Variants in CELF5 observed in about 807,000 individuals in gnomAD.
CELF5 encodes CUGBP Elav-like family member 5.
CELF5 carries 6 observed loss-of-function variants against 54.9 expected under a neutral mutation model. That is an observed-to-expected ratio of 0.11 (90% CI 0.06 to 0.22). The LOEUF (loss-of-function observed/expected upper bound fraction) is 0.22. CELF5 is among the 10% of genes least tolerant of loss of function. CELF5 has a pLI of 1.00. For synonymous variants in CELF5, 271 were observed against 290.9 expected, an observed-to-expected ratio of 0.93 and a Z score of 0.70; for missense variants, 401 against 678.6, an observed-to-expected ratio of 0.59 and a Z score of 4.54.
intron 2 of CELF5, among the ~76,000 whole-genome samples, chr19:3,257,833 A>G (rs1017554749): frequency 8.3e-5 from 11 of 132,832 alleles, no homozygotes; most frequent in African/African-American, 3.1e-4. Flanking sequence ...TTATTTATTT[A>G]TTTGAGACAG....
Position 3,275,910 on chromosome 19 carries a change from T to A in CELF5, c.449T>A (p.Val150Glu). 6.2e-7 allele frequency: 1 copy of A among 1,612,268 alleles called. No individual in the cohort carries two copies. The highest frequency in any genetic ancestry group is 8.5e-7 in the Non-Finnish European group (1 of 1,179,556). Residue 150 changes from valine to glutamate, a missense_variant, in exon 4 of 13, where the codon GTG (valine) becomes GAG (glutamate). Transcript: ENST00000292672. This position sits in a 1 kb window ranked among gnomAD's most constrained non-coding sequence, Gnocchi z 6.7. ...AACAAGCAGCAGTCGGAGGAGGACG[T>A]GCTGCGGCTGTTCCAGCCCTTCGGG... ...MLNKQQSEED[V>E]LRLFQPFGVI...
At chr19:3,274,282 T>C (rs887896638) in intron 3 of CELF5, among the ~76,000 whole-genome samples, 6 of 152,128 alleles carry the variant, frequency 3.9e-5, no homozygotes, top group African/African-American at 7.2e-5. Flanking sequence ...TGTGGATTGC[T>C]CTCTGGGGTC....
rs765094911 is a variant in CELF5, at chr19:3,281,975, T to C, written c.751-151T>C. 1.9e-5 allele frequency: 16 copies of C among 842,890 alleles called. No homozygotes were observed. The highest frequency in any genetic ancestry group is 2.9e-5 in the Non-Finnish European group (15 of 513,574). The allele number at this position is 842,890 out of a possible 1,614,324, so 52.2% of individuals were successfully genotyped here. A position where few individuals can be genotyped will look rare whatever the true frequency, so the allele number is the denominator to read the frequency against. ...CGATCTCTGCTCCCAGGCTGAGCCT[T>C]GATCCCAGTCTGAGCTCCAATTCTG... On this transcript the variant is annotated intron_variant, in intron 6 of 12. Coordinates refer to ENST00000292672, the MANE Select transcript of CELF5 (RefSeq NM_021938.4). The surrounding 1 kb of genome is among the most constrained non-coding windows in gnomAD (Gnocchi z 6.5).
chr19:3,290,169 C>T (rs536185194), intron 10 of CELF5, 62 bp from the exon 11 acceptor site: 51 of 1,423,604 alleles, frequency 3.6e-5, no homozygotes, highest in Admixed American at 5.2e-5. Flanking sequence ...CTGTGCCCCT[C>T]CCCCGGGGGG....
chr19:3,276,753 C>T (rs2145239975), intron 4 of CELF5, among the ~76,000 whole-genome samples: 1 of 144,148 alleles, frequency 6.9e-6, no homozygotes, highest in Non-Finnish European at 1.5e-5. Context: ...CCAGGGGCTG[C>T]TTATGGATGG....
At chr19:3,265,579 C>T (rs1054394269) in intron 2 of CELF5, among the ~76,000 whole-genome samples, 14 of 152,142 alleles carry the variant, frequency 9.2e-5, no homozygotes, top group East Asian at 1.9e-4. Flanking sequence ...CTCCCACCCA[C>T]GCCATGACAG....
At chr19:3,238,583 A>T (rs1056000605) in intron 1 of CELF5, among the ~76,000 whole-genome samples, 2 of 152,122 alleles carry the variant, frequency 1.3e-5, no homozygotes, top group East Asian at 3.9e-4. Context: ...TGGATGCATC[A>T]CTGTGGTCTC....
chr19:3,243,192 T>A (rs938041658), intron 1 of CELF5, among the ~76,000 whole-genome samples: 2 of 152,094 alleles, frequency 1.3e-5, no homozygotes, highest in African/African-American at 4.8e-5. Flanking sequence ...GTTTTTAATT[T>A]TTTTGTTTTG....
At chr19:3,231,552 G>A (rs1025760546) in intron 1 of CELF5, among the ~76,000 whole-genome samples, 1 of 150,880 alleles carries the variant, frequency 6.6e-6, no homozygotes, top group African/African-American at 2.4e-5. Context: ...TGGATTTGTA[G>A]ATGGGTGGGT....
chr19:3,241,121 G>C (rs2079485022), intron 1 of CELF5, among the ~76,000 whole-genome samples: 1 of 151,114 alleles, frequency 6.6e-6, no homozygotes, highest in Admixed American at 6.6e-5. Context: ...GAGCGCAGTG[G>C]CACCATCTTG....
intron 9 of CELF5, 47 bp downstream of exon 9, chr19:3,285,011 G>GCCCAGGGC (rs1387189697): frequency 1.4e-6 from 2 of 1,408,474 alleles, no homozygotes; most frequent in Non-Finnish European, 9.7e-7. Flanking sequence ...CCCCGCCCCC[G>GCCCAGGGC]CCTAGGGCCC....
chr19:3,254,692 C>G (rs550227948), intron 2 of CELF5, among the ~76,000 whole-genome samples: 2 of 151,786 alleles, frequency 1.3e-5, no homozygotes, highest in East Asian at 3.9e-4. Context: ...CACACCCATC[C>G]ATTCACCCAC....
At position 3,281,745 on chromosome 19, in the gene CELF5, C is replaced by A. The variant is rs1290178905; in HGVS notation, c.751-381C>A. On this transcript the variant is annotated intron_variant, in intron 6 of 12. Coordinates refer to ENST00000292672, the MANE Select transcript of CELF5 (RefSeq NM_021938.4). The surrounding 1 kb of genome is among the most constrained non-coding windows in gnomAD (Gnocchi z 6.5). Reference sequence around the variant, plus strand: ...TCCCAGGCTGAGCCTCAATTTCTAACTAAACCCTCATCCTAGATGGAGCCT... The same window carrying A: ...TCCCAGGCTGAGCCTCAATTTCTAAATAAACCCTCATCCTAGATGGAGCCT... Among the ~76,000 whole-genome samples the A allele has an allele frequency of 6.6e-6, 1 of 152,092 alleles. No homozygotes were observed. The highest frequency in any genetic ancestry group is 2.4e-5 in the African/African-American group (1 of 41,402).
intron 3 of CELF5, among the ~76,000 whole-genome samples, chr19:3,274,873 G>C (rs150846071): frequency 2.4e-4 from 37 of 152,110 alleles, no homozygotes; most frequent in African/African-American, 8.9e-4. Flanking sequence ...GGTGGGGTCT[G>C]TATGTCTCCA....
At chr19:3,225,871 T>C (rs1461006781) in intron 1 of CELF5, among the ~76,000 whole-genome samples, 1 of 151,976 alleles carries the variant, frequency 6.6e-6, no homozygotes, top group African/African-American at 2.4e-5. Context: ...CTTGGACGTG[T>C]CCATCTGGGC....
At chr19:3,272,990 ATGCC>A (rs1057322378) in intron 2 of CELF5, among the ~76,000 whole-genome samples, 1 of 151,994 alleles carries the variant, frequency 6.6e-6, no homozygotes, top group African/African-American at 2.4e-5. Context: ...ATCATTTTCA[ATGCC>A]TGGGGTGGGG....
At chr19:3,229,755 G>C (rs188013873) in intron 1 of CELF5, among the ~76,000 whole-genome samples, 1 of 152,194 alleles carries the variant, frequency 6.6e-6, no homozygotes, top group Admixed American at 6.6e-5. Flanking sequence ...ACATGACTAC[G>C]CTGAGGCCCG....
chr19:3,268,039 C>T lies in CELF5; in HGVS notation c.343-5833C>T, dbSNP rs954370446. 6.6e-6 allele frequency among the ~76,000 whole-genome samples: 1 copy of T among 152,194 alleles called. No individual in the cohort carries two copies. The highest frequency in any genetic ancestry group is 3.4e-3 in the Middle Eastern group (1 of 294). ...TTTGAGATGGAGTCTCGCTCTGTCGCCCAGGCTGGAGTGCAGTGATTTGAT... is the reference window on the plus strand; with the variant it reads ...TTTGAGATGGAGTCTCGCTCTGTCGTCCAGGCTGGAGTGCAGTGATTTGAT... On this transcript the variant is annotated intron_variant, in intron 2 of 12. Coordinates refer to ENST00000292672, the MANE Select transcript of CELF5 (RefSeq NM_021938.4). This position sits in a 1 kb window ranked among gnomAD's most constrained non-coding sequence, Gnocchi z 4.4.
At chr19:3,284,172 T>G (rs1472797481) in intron 8 of CELF5, among the ~76,000 whole-genome samples, 1 of 152,018 alleles carries the variant, frequency 6.6e-6, no homozygotes, top group Non-Finnish European at 1.5e-5. Flanking sequence ...TTGTATGCAC[T>G]CTGTGCACGT....
Sources: gnomAD v4.1 joint callset for allele counts (sites outside exome capture counted in the v4.1 genomes callset) on GRCh38, gnomAD v4.1.1 for gene constraint, Gnocchi (gnomAD v3.1) non-coding constraint, MANE v1.5 for transcripts, NCBI Gene and HGNC (gene_info 2026-07-23, HGNC 2026-07-21) for gene names.